Variants in CTNND2 observed in about 807,000 individuals in gnomAD.
CTNND2 encodes catenin delta 2.
A neutral mutation model predicts 144.4 loss-of-function variants in CTNND2; 22 were observed. The ratio of observed to expected loss-of-function variants is 0.15; its 90% CI spans 0.11 to 0.22. The LOEUF is 0.22. Among genes scored for constraint, CTNND2 ranks in the 10% least tolerant of loss-of-function variants. The pLI, the probability that CTNND2 is intolerant of heterozygous loss-of-function variation, is 1.00. For missense variants in CTNND2, 1,353 were observed against 1,618.8 expected (o/e 0.84, Z 2.82); for synonymous variants, 751 against 695.6 (o/e 1.08, Z -1.25).
intron 2 of CTNND2, among the ~76,000 whole-genome samples, chr5:11,599,890 C>T (rs141078684): frequency 0.012 from 1,813 of 152,182 alleles, 36 homozygotes; most frequent in African/African-American, 0.042. Context: ...GCTCTTCTGT[C>T]GGCATTCTAT....
intron 10 of CTNND2, among the ~76,000 whole-genome samples, chr5:11,205,790 G>A (rs937505979): frequency 6.6e-5 from 10 of 152,242 alleles, no homozygotes; most frequent in East Asian, 1.9e-4. Context: ...AATGGCCTGC[G>A]TTCTCCATTC....
At chr5:11,625,755 C>T (rs1240127034) in intron 2 of CTNND2, among the ~76,000 whole-genome samples, 1 of 151,982 alleles carries the variant, frequency 6.6e-6, no homozygotes, top group Admixed American at 6.6e-5. Context: ...ACTTTCATGA[C>T]TCAACACTAA....
intron 9 of CTNND2, among the ~76,000 whole-genome samples, chr5:11,253,305 G>C (rs757765670): frequency 2.6e-5 from 4 of 152,030 alleles, no homozygotes; most frequent in Non-Finnish European, 4.4e-5. Context: ...ATTCAATTAA[G>C]GACTATTGAT....
chr5:11,369,485 C>T (rs547104132), intron 7 of CTNND2, among the ~76,000 whole-genome samples: 7 of 152,288 alleles, frequency 4.6e-5, no homozygotes, highest in South Asian at 4.1e-4. Flanking sequence ...GCCAACAAAA[C>T]AATGTATTTA....
chr5:11,566,600 G>A (rs946761497), intron 2 of CTNND2, among the ~76,000 whole-genome samples: 2 of 152,146 alleles, frequency 1.3e-5, no homozygotes, highest in Admixed American at 6.5e-5. Flanking sequence ...CTCACATGTC[G>A]ATGGAAATTC....
At chr5:11,625,116 G>C (rs1173303646) in intron 2 of CTNND2, among the ~76,000 whole-genome samples, 3 of 152,042 alleles carry the variant, frequency 2.0e-5, no homozygotes, top group South Asian at 2.1e-4. Context: ...GCAGATAAAA[G>C]TATTTAAACA....
chr5:11,451,199 G>C (rs150765183), intron 3 of CTNND2, among the ~76,000 whole-genome samples: 449 of 152,082 alleles, frequency 3.0e-3, no homozygotes, highest in Admixed American at 6.1e-3. Context: ...GGTGTATGTG[G>C]TATCTGTCCC....
chr5:11,632,172 A>C (rs138791405), intron 2 of CTNND2, among the ~76,000 whole-genome samples: 1 of 152,338 alleles, frequency 6.6e-6, no homozygotes, highest in African/African-American at 2.4e-5. Context: ...GATAGCTAAG[A>C]TGATCCCTCC....
intron 1 of CTNND2, among the ~76,000 whole-genome samples, chr5:11,825,760 C>T (rs1241391156): frequency 3.3e-5 from 5 of 152,012 alleles, no homozygotes; most frequent in Admixed American, 3.3e-4. Flanking sequence ...AATATTACCT[C>T]CAGAGGATGA....
chr5:11,751,853 CT>C (rs1340583070), intron 1 of CTNND2, among the ~76,000 whole-genome samples: 1 of 151,862 alleles, frequency 6.6e-6, no homozygotes, highest in Non-Finnish European at 1.5e-5. Flanking sequence ...ATTCCTTTTT[CT>C]CCACAGCCTC....
At chr5:11,391,593 A>C (rs1759634289) in intron 6 of CTNND2, among the ~76,000 whole-genome samples, 1 of 152,238 alleles carries the variant, frequency 6.6e-6, no homozygotes, top group African/African-American at 2.4e-5. Context: ...TCGTCTTCCA[A>C]AGGAATGCCA....
chr5:11,734,528 T>G (rs1228922270), intron 1 of CTNND2, among the ~76,000 whole-genome samples: 1 of 152,180 alleles, frequency 6.6e-6, no homozygotes, highest in Non-Finnish European at 1.5e-5. Context: ...AAAGCAATAG[T>G]TAACTGAGGA....
At chr5:11,813,348 T>C (rs1792447662) in intron 1 of CTNND2, among the ~76,000 whole-genome samples, 1 of 152,192 alleles carries the variant, frequency 6.6e-6, no homozygotes, top group Admixed American at 6.5e-5. Flanking sequence ...GAGCAGGACT[T>C]ACCACAGTCT....
chr5:11,002,674 A>T (rs540124706), intron 18 of CTNND2, among the ~76,000 whole-genome samples: 1 of 152,218 alleles, frequency 6.6e-6, no homozygotes, highest in East Asian at 1.9e-4. Flanking sequence ...AGTTACGTGC[A>T]TGGTGGCTTC....
At chr5:11,487,464 T>C (rs1199547986) in intron 3 of CTNND2, among the ~76,000 whole-genome samples, 1 of 151,994 alleles carries the variant, frequency 6.6e-6, no homozygotes, top group African/African-American at 2.4e-5. Context: ...GGGCAAAAAA[T>C]ATTAAACTCC....
At position 11,401,236 on chromosome 5, in the gene CTNND2, T is replaced by C. The variant is rs1023269160; in HGVS notation, c.440-4033A>G. Among the ~76,000 whole-genome samples the C allele has an allele frequency of 1.6e-4, 25 of 152,244 alleles. 1 individual carries two copies. Among genetic ancestry groups the C allele is most frequent in the Non-Finnish European group, 5.9e-5 (4 of 68,038 alleles). On this transcript the variant is annotated intron_variant, in intron 5 of 21. Coordinates refer to ENST00000304623, the MANE Select transcript of CTNND2 (RefSeq NM_001332.4). The stretch of plus-strand genomic sequence containing the variant: ...ATATGGCCAGCTTCTTCTGATCAGA[T>C]TAACTGAGTATTTTAGAGTTTCCAT...
Position 11,454,307 on chromosome 5 carries a change from C to A in CTNND2, c.288-42238G>T, listed in dbSNP as rs535582042. 6.6e-5 allele frequency among the ~76,000 whole-genome samples: 10 copies of A among 152,126 alleles called. No individual in the cohort carries two copies. In the South Asian group the frequency reaches 2.1e-3, roughly 32 times the overall value. Reference sequence around the variant, plus strand: ...TGGTGGTGTGTGCCTGTAGTCCCAGCTACTAGGGAGGTTGAGGCAGGAGAA... The same window carrying A: ...TGGTGGTGTGTGCCTGTAGTCCCAGATACTAGGGAGGTTGAGGCAGGAGAA... On this transcript the variant is annotated intron_variant, in intron 3 of 21. Transcript: ENST00000304623.
At chr5:11,282,202 C>A (rs1197728057) in intron 9 of CTNND2, among the ~76,000 whole-genome samples, 1 of 152,056 alleles carries the variant, frequency 6.6e-6, no homozygotes, top group East Asian at 1.9e-4. Flanking sequence ...CACGATCAGT[C>A]AATGCTGTTG....
intron 3 of CTNND2, among the ~76,000 whole-genome samples, chr5:11,443,853 T>G (rs1227675098): frequency 2.7e-5 from 4 of 146,594 alleles, no homozygotes; most frequent in Admixed American, 2.6e-4. Flanking sequence ...CATTATAATA[T>G]CAAACTTATT....
Sources: gnomAD v4.1 joint callset for allele counts (sites outside exome capture counted in the v4.1 genomes callset) on GRCh38, gnomAD v4.1.1 for gene constraint, MANE v1.5 for transcripts, NCBI Gene and HGNC (gene_info 2026-07-23, HGNC 2026-07-21) for gene names.